Variants in ST6GALNAC3 observed in about 807,000 individuals in gnomAD.
ST6GALNAC3 encodes alpha-N-acetylgalactosaminide alpha-2,6-sialyltransferase 3.
In ST6GALNAC3, 25 loss-of-function variants were observed where a neutral mutation model predicts 32.7. That is an observed-to-expected ratio of 0.76 (90% confidence interval 0.56 to 1.07). The LOEUF is 1.07. Ranked by LOEUF, ST6GALNAC3 falls within the 50% of genes least tolerant of loss-of-function variation. The pLI, the probability that ST6GALNAC3 is intolerant of heterozygous loss-of-function variation, is 0.00. For missense variants in ST6GALNAC3, 355 were observed against 382.4 expected (o/e 0.93, Z 0.60); for synonymous variants, 129 against 133.1 (o/e 0.97, Z 0.21).
intron 3 of ST6GALNAC3, among the ~76,000 whole-genome samples, chr1:76,439,648 T>C (rs989519901): frequency 3.9e-5 from 6 of 152,226 alleles, no homozygotes; most frequent in Admixed American, 6.5e-5. Context: ...GTAGAAAATG[T>C]AGCTACAGTT....
intron 3 of ST6GALNAC3, among the ~76,000 whole-genome samples, chr1:76,510,574 T>C (rs369698399): frequency 8.5e-5 from 13 of 152,142 alleles, no homozygotes; most frequent in African/African-American, 2.9e-4. Context: ...CAACAGACAG[T>C]TATATGGTGT....
intron 3 of ST6GALNAC3, among the ~76,000 whole-genome samples, chr1:76,482,112 T>C (rs1659761064): frequency 6.6e-6 from 1 of 151,786 alleles, no homozygotes; most frequent in South Asian, 2.1e-4. Flanking sequence ...TAGAAATTTC[T>C]CAAAGAGAAT....
chr1:76,608,759 T>C (rs1410588084), intron 3 of ST6GALNAC3, among the ~76,000 whole-genome samples: 1 of 152,136 alleles, frequency 6.6e-6, no homozygotes, highest in Non-Finnish European at 1.5e-5. Context: ...ACCAACGTTT[T>C]CCCCTCACTT....
intron 1 of ST6GALNAC3, among the ~76,000 whole-genome samples, chr1:76,284,635 G>C (rs1394774133): frequency 6.9e-6 from 1 of 144,910 alleles, no homozygotes; most frequent in East Asian, 2.0e-4. Context: ...GATTTTTTTT[G>C]CAAGAGACTT....
chr1:76,634,276 T>A lies in ST6GALNAC3; in HGVS notation c.*5470T>A. On this transcript the variant is annotated 3_prime_UTR_variant, in exon 5 of 5. Coordinates refer to ENST00000328299, the MANE Select transcript of ST6GALNAC3 (RefSeq NM_152996.4). ...AAGTGAGAGCTATTTCTAAGAAACT[T>A]CAAAAAGATCAAAACGAGGCAATTT... is the stretch of plus-strand genomic sequence containing the variant. 1 of 572,914 alleles carries A rather than the reference T, an allele frequency of 1.7e-6. No homozygotes were observed. The highest frequency in any genetic ancestry group is 2.2e-6 in the Non-Finnish European group (1 of 453,056). The allele number at this position is 572,914 out of a possible 1,614,324, so 35.5% of individuals were successfully genotyped here.
intron 3 of ST6GALNAC3, among the ~76,000 whole-genome samples, chr1:76,605,361 A>G (rs922082801): frequency 2.6e-5 from 4 of 152,316 alleles, no homozygotes; most frequent in African/African-American, 7.2e-5. Context: ...AGTCTTGATT[A>G]TCATAAGGGC....
chr1:76,530,198 G>T (rs916436732), intron 3 of ST6GALNAC3, among the ~76,000 whole-genome samples: 2 of 152,122 alleles, frequency 1.3e-5, no homozygotes, highest in African/African-American at 4.8e-5. Context: ...GCTCAGCAAG[G>T]TTTTTATTTC....
intron 3 of ST6GALNAC3, among the ~76,000 whole-genome samples, chr1:76,543,483 T>C (rs1275172541): frequency 3.3e-5 from 5 of 152,202 alleles, no homozygotes; most frequent in Admixed American, 1.3e-4. Flanking sequence ...TCTTCAGATC[T>C]TATCACATCA....
chr1:76,542,887 T>C (rs142910066), intron 3 of ST6GALNAC3, among the ~76,000 whole-genome samples: 369 of 152,302 alleles, frequency 2.4e-3, no homozygotes, highest in African/African-American at 8.5e-3. Context: ...GAGGAATTGC[T>C]ACCTAACAGG....
At chr1:76,591,197 G>T (rs1647042404) in intron 3 of ST6GALNAC3, among the ~76,000 whole-genome samples, 5 of 151,980 alleles carry the variant, frequency 3.3e-5, no homozygotes, top group African/African-American at 1.2e-4. Context: ...GTGTGTGTGT[G>T]TGTCTCTGTG....
At chr1:76,512,998 TTTTG>T (rs199749104) in intron 3 of ST6GALNAC3, among the ~76,000 whole-genome samples, 3,033 of 152,132 alleles carry the variant, frequency 0.02, 111 homozygotes, top group African/African-American at 0.07. Context: ...GTTTTTTTTC[TTTTG>T]TTTAAGTCCC....
chr1:76,498,365 G>A (rs1660983830), intron 3 of ST6GALNAC3, among the ~76,000 whole-genome samples: 1 of 152,148 alleles, frequency 6.6e-6, no homozygotes, highest in South Asian at 2.1e-4. Flanking sequence ...GAGTACATAG[G>A]TAATTTTTCT....
Position 76,412,921 on chromosome 1 carries a change from AT to A in ST6GALNAC3, c.623+505del, listed in dbSNP as rs1654364237. The A allele has an allele frequency of 1.5e-5, 4 of 272,110 alleles. No individual in the cohort carries two copies. In the South Asian group the frequency reaches 1.5e-4, roughly 10 times the overall value. The allele number at this position is 272,110 out of a possible 1,614,324, so 16.9% of individuals were successfully genotyped here. On this transcript the variant is annotated intron_variant, in intron 3 of 4. Coordinates refer to ENST00000328299, the MANE Select transcript of ST6GALNAC3 (RefSeq NM_152996.4). Reference sequence around the variant, plus strand: ...GTGATCCTGAACATCATAACTTGGTATCTAACTTGTTCAGCAGAATACCATA... The same window carrying A: ...GTGATCCTGAACATCATAACTTGGTACTAACTTGTTCAGCAGAATACCATA...
At chr1:76,104,521 C>T (rs1647385610) in intron 1 of ST6GALNAC3, among the ~76,000 whole-genome samples, 1 of 151,954 alleles carries the variant, frequency 6.6e-6, no homozygotes, top group South Asian at 2.1e-4. Context: ...ATTTCCTTGG[C>T]TCCTCAATAT....
At chr1:76,377,686 C>G (rs540057866) in intron 2 of ST6GALNAC3, among the ~76,000 whole-genome samples, 38 of 152,206 alleles carry the variant, frequency 2.5e-4, no homozygotes, top group African/African-American at 9.2e-4. Context: ...TTTTTATGAC[C>G]TACTGCTTAC....
At chr1:76,157,146 T>A (rs547797072) in intron 1 of ST6GALNAC3, among the ~76,000 whole-genome samples, 19,577 of 152,168 alleles carry the variant, frequency 0.13, 1,607 homozygotes, top group Non-Finnish European at 0.19. Flanking sequence ...AGAAAACATG[T>A]GCATGTGAAC....
At chr1:76,598,965 T>A (rs1355659683) in intron 3 of ST6GALNAC3, among the ~76,000 whole-genome samples, 1 of 152,200 alleles carries the variant, frequency 6.6e-6, no homozygotes, top group Non-Finnish European at 1.5e-5. Flanking sequence ...AAAATAACGA[T>A]GAAACTTAAG....
chr1:76,399,821 G>T (rs1354405340), intron 2 of ST6GALNAC3, among the ~76,000 whole-genome samples: 3 of 151,878 alleles, frequency 2.0e-5, no homozygotes, highest in African/African-American at 4.8e-5. Context: ...TTATTCCTAG[G>T]TATTTAATAT....
At chr1:76,231,058 A>C (rs1202058018) in intron 1 of ST6GALNAC3, among the ~76,000 whole-genome samples, 1 of 152,186 alleles carries the variant, frequency 6.6e-6, no homozygotes, top group East Asian at 1.9e-4. Flanking sequence ...ACTGTGGTGA[A>C]GGTGATATTT....
Sources: allele counts gnomAD v4.1 joint callset (sites outside exome capture counted in the v4.1 genomes callset), GRCh38; gene constraint gnomAD v4.1.1; transcripts MANE v1.5; gene names NCBI Gene and HGNC (gene_info 2026-07-23, HGNC 2026-07-21).